TMEM233: variants seen among roughly 807,000 people sequenced by gnomAD.
TMEM233 encodes the protein transmembrane protein 233, also known as dispanin subfamily B member 2.
TMEM233 carries 6 observed loss-of-function variants against 11.2 expected under a neutral mutation model. The observed-to-expected ratio is 0.54, with a 90% confidence interval of 0.29 to 1.06. TMEM233 has a LOEUF of 1.06. TMEM233 is among the 50% of genes least tolerant of loss of function. The pLI is 0.08. For synonymous variants in TMEM233, 59 were observed against 55.8 expected (o/e 1.06, Z -0.26); for missense variants, 127 against 144.7 (o/e 0.88, Z 0.63).
In TMEM233 at chr12:119,640,818, C is replaced by T; in HGVS notation, c.*113C>T. 2 of 1,194,240 alleles carry T rather than the reference C, an allele frequency of 1.7e-6. No individual in the cohort carries two copies. Among genetic ancestry groups the T allele is most frequent in the South Asian group, 2.9e-5 (2 of 70,134 alleles). 74.0% of individuals were successfully genotyped at this position (1,194,240 alleles called of 1,614,324 possible). A position where few individuals can be genotyped will look rare whatever the true frequency, so the allele number is the denominator to read the frequency against. The stretch of plus-strand genomic sequence containing the variant: ...CTTCAGACTGTGAGATCTTTTCCTC[C>T]AGGACTCTCCAGAGGCAGGTCCCTG... On this transcript the variant is annotated 3_prime_UTR_variant, in exon 3 of 3. Coordinates refer to ENST00000426426, the MANE Select transcript of TMEM233 (RefSeq NM_001136534.3).
rs1165801423 is a variant in TMEM233 at position 119,594,873 on chromosome 12, A to C, written c.186+839A>C. ...CGTAGTTCCTCCCCGTTTGCTGCGC[A>C]CTGGCCCTAACCTCTCTTCTCTTGG... On this transcript the variant is annotated intron_variant, in intron 1 of 2. Coordinates refer to ENST00000426426, the MANE Select transcript of TMEM233 (RefSeq NM_001136534.3). This position sits in a 1 kb window ranked among gnomAD's most constrained non-coding sequence, Gnocchi z 5.6. 6.6e-6 allele frequency among the ~76,000 whole-genome samples: 1 copy of C among 151,602 alleles called. No homozygotes were observed. Among genetic ancestry groups the C allele is most frequent in the Non-Finnish European group, 1.5e-5 (1 of 67,892 alleles).
chr12:119,593,944 C>G lies in TMEM233; in HGVS notation c.96C>G (p.Pro32=). The G allele has an allele frequency of 6.4e-7, 1 of 1,551,752 alleles. No individual in the cohort carries two copies. Among genetic ancestry groups the G allele is most frequent in the South Asian group, 1.2e-5 (1 of 84,066 alleles). Residue 32 remains proline (P), a synonymous_variant, in exon 1 of 3, where the codon CCC becomes CCG. Transcript: ENST00000426426. The surrounding 1 kb of genome is among the most constrained non-coding windows in gnomAD (Gnocchi z 4.1). ...ATGACAAGACCGAGGAGGACGTGCC[C>G]ATGCCCAAGAACTACCTGTGGCTCA... The part of the protein sequence containing the change: ...TEDDKTEEDV[P]MPKNYLWLTI...
At chr12:119,643,701 G>C (rs556237615), downstream of TMEM233, among the ~76,000 whole-genome samples, 10 of 152,036 alleles carry the variant, frequency 6.6e-5, no homozygotes, top group East Asian at 1.9e-3. Flanking sequence ...CCGGGAGGCG[G>C]AGGTTGCAGT....
At chr12:119,645,320 C>CAAAAAAAAAAAAAAAAA (rs3078450), downstream of TMEM233, among the ~76,000 whole-genome samples, 5 of 74,786 alleles carry the variant, frequency 6.7e-5, 1 homozygote, top group Non-Finnish European at 7.6e-5. Flanking sequence ...CACCAATTAC[C>CAAAAAAAAAAAAAAAAA]AAAAAAAAAA....
intron 1 of TMEM233, among the ~76,000 whole-genome samples, chr12:119,610,353 G>C (rs1024566612): frequency 6.6e-6 from 1 of 152,148 alleles, no homozygotes; most frequent in African/African-American, 2.4e-5. Context: ...TCTGGACTTT[G>C]AGGTTAATGC....
chr12:119,653,966 G>T, the TMEM233 span, among the ~76,000 whole-genome samples: 1 of 70,100 alleles, frequency 1.4e-5, no homozygotes. Context: ...ACATATCCAA[G>T]AAGCTAAAAA....
At chr12:119,608,778 G>C (rs956997546) in intron 1 of TMEM233, among the ~76,000 whole-genome samples, 7 of 152,178 alleles carry the variant, frequency 4.6e-5, no homozygotes, top group Non-Finnish European at 1.0e-4. Context: ...CATCCTTCAA[G>C]GGTAGAAATC....
downstream of TMEM233, among the ~76,000 whole-genome samples, chr12:119,645,626 G>A (rs1335668714): frequency 1.3e-5 from 2 of 152,164 alleles, no homozygotes; most frequent in Non-Finnish European, 2.9e-5. Context: ...AGGGAAGTAT[G>A]AAGTTGCCTC....
At chr12:119,627,233 G>A (rs1429964131) in intron 1 of TMEM233, among the ~76,000 whole-genome samples, 1 of 152,188 alleles carries the variant, frequency 6.6e-6, no homozygotes, top group African/African-American at 2.4e-5. Flanking sequence ...AACTTCTTTG[G>A]TAAATGACCA....
chr12:119,649,919 G>A, the TMEM233 span, among the ~76,000 whole-genome samples: 1 of 148,628 alleles, frequency 6.7e-6, no homozygotes, highest in Non-Finnish European at 1.5e-5. Flanking sequence ...AGCACTTTGG[G>A]AGGCCGAGGT....
rs1054403718 is a variant in TMEM233 at position 119,637,303 on chromosome 12, A to G, written c.324-3396A>G. 4.6e-5 allele frequency among the ~76,000 whole-genome samples: 7 copies of G among 152,232 alleles called. No homozygotes were observed. In the South Asian group the frequency reaches 1.4e-3, roughly 31 times the overall value. ...AAATGCTTGCTTGCCATTCTTAACAACAACAGCCTTTGTGCTCCAAGGTTT... is the reference window on the plus strand; with the variant it reads ...AAATGCTTGCTTGCCATTCTTAACAGCAACAGCCTTTGTGCTCCAAGGTTT... On this transcript the variant is annotated intron_variant, in intron 2 of 2. Coordinates refer to ENST00000426426, the MANE Select transcript of TMEM233 (RefSeq NM_001136534.3).
At chr12:119,615,975 CT>C (rs972259907) in intron 1 of TMEM233, among the ~76,000 whole-genome samples, 2 of 152,202 alleles carry the variant, frequency 1.3e-5, no homozygotes, top group African/African-American at 4.8e-5. Flanking sequence ...GTCACCGTCA[CT>C]TCTGACTTCT....
At chr12:119,637,940 T>G (rs548302161) in intron 2 of TMEM233, among the ~76,000 whole-genome samples, 1 of 152,206 alleles carries the variant, frequency 6.6e-6, no homozygotes, top group Non-Finnish European at 1.5e-5. Context: ...AATATCAAGG[T>G]TGACCAGGAT....
At chr12:119,626,464 C>G (rs1200740358) in intron 1 of TMEM233, among the ~76,000 whole-genome samples, 2 of 113,646 alleles carry the variant, frequency 1.8e-5, no homozygotes, top group African/African-American at 3.2e-5. Context: ...AGCAAGACTC[C>G]GTCTCCGGAA....
chr12:119,594,090 C>A lies in TMEM233; in HGVS notation c.186+56C>A, dbSNP rs1315862023. ...GAGGAGAGACCCGGGCGGCTTTGAG[C>A]CCCTGCAGGGGAGTCCGCGCGCTCT... On this transcript the variant is annotated intron_variant, in intron 1 of 2. Transcript: ENST00000426426. The surrounding 1 kb of genome is among the most constrained non-coding windows in gnomAD (Gnocchi z 5.6). 2 of 1,529,286 alleles carry A rather than the reference C, an allele frequency of 1.3e-6. No individual in the cohort carries two copies. The highest frequency in any genetic ancestry group is 2.8e-5 in the African/African-American group (2 of 72,688). The allele number at this position is 1,529,286 out of a possible 1,614,324, so 94.7% of individuals were successfully genotyped here.
At chr12:119,638,371 G>C (rs1318835076) in intron 2 of TMEM233, among the ~76,000 whole-genome samples, 1 of 152,192 alleles carries the variant, frequency 6.6e-6, no homozygotes, top group Admixed American at 6.5e-5. Flanking sequence ...GCTCAGGTGT[G>C]AGGCCAGCTT....
downstream of TMEM233, among the ~76,000 whole-genome samples, chr12:119,644,158 T>C (rs980151884): frequency 6.6e-6 from 1 of 152,054 alleles, no homozygotes; most frequent in Non-Finnish European, 1.5e-5. Flanking sequence ...AACAAACAGG[T>C]GTGGCCACTG....
rs765808600 is a variant in TMEM233 at position 119,642,714 on chromosome 12, T to C, written c.*2009T>C. The stretch of plus-strand genomic sequence containing the variant: ...CTGTTATGAGAATTAATTGTTGTAA[T>C]AGTTGTGACTAACCATTGGCGGGGA... On this transcript the variant is annotated 3_prime_UTR_variant, in exon 3 of 3. Coordinates refer to ENST00000426426, the MANE Select transcript of TMEM233 (RefSeq NM_001136534.3). 6.6e-6 allele frequency: 1 copy of C among 152,036 alleles called. No individual in the cohort carries two copies. Among genetic ancestry groups the C allele is most frequent in the East Asian group, 1.9e-4 (1 of 5,180 alleles). The allele number at this position is 152,036 out of a possible 1,614,324, so 9.4% of individuals were successfully genotyped here. A position where few individuals can be genotyped will look rare whatever the true frequency, so the allele number is the denominator to read the frequency against.
chr12:119,638,597 G>A (rs1955014830), intron 2 of TMEM233, among the ~76,000 whole-genome samples: 1 of 152,230 alleles, frequency 6.6e-6, no homozygotes, highest in Non-Finnish European at 1.5e-5. Context: ...TGTGCAGCCA[G>A]GGTTGGGAAC....
Sources: gnomAD v4.1 joint callset for allele counts (sites outside exome capture counted in the v4.1 genomes callset) on GRCh38, gnomAD v4.1.1 for gene constraint, Gnocchi (gnomAD v3.1) non-coding constraint, MANE v1.5 for transcripts, NCBI Gene and HGNC (gene_info 2026-07-23, HGNC 2026-07-21) for gene names.